Variants in PFKP observed in about 807,000 individuals in gnomAD.
PFKP encodes the protein ATP-dependent 6-phosphofructokinase, platelet type.
A neutral mutation model predicts 94.3 loss-of-function variants in PFKP; 101 were observed. The observed-to-expected ratio is 1.07, with a 90% confidence interval of 0.91 to 1.26. PFKP has a LOEUF of 1.26. PFKP is among the 50% of genes most tolerant of loss of function. The pLI is 0.00. For missense variants in PFKP, 1,145 were observed against 1,103.3 expected, an observed-to-expected ratio of 1.04 and a Z score of -0.53; for synonymous variants, 573 against 432.6, an observed-to-expected ratio of 1.32 and a Z score of -4.03.
chr10:3,074,894 G>T (rs572447568), intron 1 of PFKP, among the ~76,000 whole-genome samples: 1 of 152,296 alleles, frequency 6.6e-6, no homozygotes, highest in South Asian at 2.1e-4. Flanking sequence ...CACAAATAGA[G>T]GTGTGAAGTG....
intron 18 of PFKP, among the ~76,000 whole-genome samples, chr10:3,132,999 A>G (rs762450419): frequency 6.6e-6 from 1 of 152,240 alleles, no homozygotes; most frequent in Non-Finnish European, 1.5e-5. Flanking sequence ...TTTCCATTTA[A>G]TATTTGTGGG....
rs1160508457 is a variant in PFKP, at chr10:3,104,819, G to T, written c.621-296G>T. 1.2e-4 allele frequency: 59 copies of T among 496,684 alleles called. 1 individual carries two copies. In the East Asian group the frequency reaches 1.7e-3, roughly 14 times the overall value. The allele number at this position is 496,684 out of a possible 1,614,324, so 30.8% of individuals were successfully genotyped here. The stretch of plus-strand genomic sequence containing the variant: ...TGGGAAAGAGCCCAGCACGGGGCCG[G>T]GGAGTGTGAGTGTGTCCTGGCACAG... On this transcript the variant is annotated intron_variant, in intron 5 of 21. Transcript: ENST00000381125.
rs1839234216 is a variant in PFKP at position 3,135,939 on chromosome 10, A to AG, written c.2225+103dup. The AG allele has an allele frequency of 4.1e-6, 3 of 734,224 alleles. No individual in the cohort carries two copies. The South Asian group carries it at 4.9e-5, about 12-fold the overall frequency. 45.5% of individuals were successfully genotyped at this position (734,224 alleles called of 1,614,324 possible). A position where few individuals can be genotyped will look rare whatever the true frequency, so the allele number is the denominator to read the frequency against. ...TGTCGGCAACTCATTCAGGGGTTTGAGGAACTGGCTTTTCTGAAGCTCAGT... is the reference window on the plus strand; with the variant it reads ...TGTCGGCAACTCATTCAGGGGTTTGAGGGAACTGGCTTTTCTGAAGCTCAGT... On this transcript the variant is annotated intron_variant, in intron 21 of 21. Coordinates refer to ENST00000381125, the MANE Select transcript of PFKP (RefSeq NM_002627.5).
At chr10:3,116,289 C>T (rs947594160) in intron 13 of PFKP, among the ~76,000 whole-genome samples, 4 of 152,182 alleles carry the variant, frequency 2.6e-5, no homozygotes, top group Non-Finnish European at 4.4e-5. Flanking sequence ...CCGGAAGCTG[C>T]GGAGCTGGGG....
At chr10:3,115,869 C>T (rs1053404687) in intron 13 of PFKP, among the ~76,000 whole-genome samples, 1 of 152,174 alleles carries the variant, frequency 6.6e-6, no homozygotes, top group East Asian at 1.9e-4. Context: ...GGTGGAGATG[C>T]CCTGTGGCAT....
intron 16 of PFKP, 186 bp from the exon 17 acceptor site, chr10:3,129,633 A>C: frequency 3.2e-6 from 2 of 627,798 alleles, no homozygotes; most frequent in Non-Finnish European, 5.5e-6. Flanking sequence ...GTTGCGGGGG[A>C]CCACGTTCAC....
At chr10:3,126,494 G>A (rs1439002502) in intron 16 of PFKP, among the ~76,000 whole-genome samples, 3 of 152,188 alleles carry the variant, frequency 2.0e-5, no homozygotes, top group South Asian at 2.1e-4. Context: ...CACACGCGAC[G>A]CAGCCCTACC....
In PFKP at chr10:3,101,002, T is replaced by A. The variant is rs766870299; in HGVS notation, c.265-363T>A. 43 of 1,610,760 alleles carry A rather than the reference T, an allele frequency of 2.7e-5. No homozygotes were observed. The highest frequency in any genetic ancestry group is 3.3e-4 in the Middle Eastern group (2 of 6,044). ...TGTCCTGGCCGGCATGCTCTGGTGG[T>A]CAGTGGGCTTGTCTTTGGTTCCACG... On this transcript the variant is annotated intron_variant, in intron 3 of 21. Transcript: ENST00000381125.
chr10:3,082,520 T>G (rs1833165157), intron 2 of PFKP, 59 bp downstream of exon 2: 1 of 1,248,898 alleles, frequency 8.0e-7, no homozygotes, highest in Non-Finnish European at 1.1e-6. Flanking sequence ...AGCCCTGCAG[T>G]CACCGGCGCT....
In PFKP at chr10:3,105,516, G is replaced by T. The variant is rs376072035; in HGVS notation, c.774+15G>T. On this transcript the variant is annotated intron_variant, in intron 7 of 21. Coordinates refer to ENST00000381125, the MANE Select transcript of PFKP (RefSeq NM_002627.5). ...AACTCTCGGAGGTAATGCGGGTCCC[G>T]TGGCCGTTGATAGCGGGCGATGCTG... 6.4e-7 allele frequency: 1 copy of T among 1,556,224 alleles called. No individual in the cohort carries two copies. The highest frequency in any genetic ancestry group is 8.9e-7 in the Non-Finnish European group (1 of 1,127,368).
intron 16 of PFKP, among the ~76,000 whole-genome samples, chr10:3,123,330 T>C (rs923319746): frequency 3.9e-5 from 6 of 152,234 alleles, no homozygotes; most frequent in Non-Finnish European, 7.3e-5. Flanking sequence ...TCGTGACTGA[T>C]TCACAGCCTG....
At chr10:3,135,611 T>TGGGC (rs1274640560) in intron 20 of PFKP, 125 bp from the exon 21 acceptor site, 2 of 629,400 alleles carry the variant, frequency 3.2e-6, no homozygotes, top group African/African-American at 3.7e-5. Context: ...TCAGTCTCAC[T>TGGGC]GGGCTTCCAG....
Position 3,135,542 on chromosome 10 carries a change from C to T in PFKP, c.2123-194C>T, listed in dbSNP as rs183916145. Among the ~76,000 whole-genome samples, 4 of 152,338 alleles carry T rather than the reference C, an allele frequency of 2.6e-5. No homozygotes were observed. In the East Asian group the frequency reaches 7.7e-4, roughly 29 times the overall value. On this transcript the variant is annotated intron_variant, in intron 20 of 21. Transcript: ENST00000381125. ...GCTGCTTTCCAGGAAGCCCTCGGGG[C>T]AGTCCCACAGGAGCAGAGCTGCACG...
intron 14 of PFKP, among the ~76,000 whole-genome samples, chr10:3,117,718 G>C (rs1836976409): frequency 6.6e-6 from 1 of 152,180 alleles, no homozygotes; most frequent in Non-Finnish European, 1.5e-5. Context: ...GCATCCCTCG[G>C]TGTGCGTTCT....
Position 3,130,995 on chromosome 10 carries a change from C to T in PFKP, c.1848+1012C>T, listed in dbSNP as rs148287134. On this transcript the variant is annotated intron_variant, in intron 17 of 21. Transcript: ENST00000381125. The stretch of plus-strand genomic sequence containing the variant: ...CAAATATTTGTGGAGTCATTCACTG[C>T]ATCATGATGTTTCTGTCAACAGTGG... Among the ~76,000 whole-genome samples the T allele has an allele frequency of 9.9e-4, 151 of 152,318 alleles. 1 individual carries two copies. The highest frequency in any genetic ancestry group is 3.4e-3 in the African/African-American group (141 of 41,558).
rs1836470161 is a variant in PFKP at position 3,113,491 on chromosome 10, T to TG, written c.1346dup (p.Phe450LeufsTer2). 6.2e-7 allele frequency: 1 copy of TG among 1,613,326 alleles called. No individual in the cohort carries two copies. The highest frequency in any genetic ancestry group is 8.5e-7 in the Non-Finnish European group (1 of 1,179,962). Reference sequence around the variant, plus strand: ...GCCACAGGATGCTCGCCATCTATGATGGCTTTGACGGCTTCGCCAAGGGCC... The same window carrying TG: ...GCCACAGGATGCTCGCCATCTATGATGGGCTTTGACGGCTTCGCCAAGGGCC... On this transcript the variant is annotated frameshift_variant, in exon 13 of 22. Coordinates refer to ENST00000381125, the MANE Select transcript of PFKP (RefSeq NM_002627.5). LOFTEE classifies it high-confidence loss of function.
intron 13 of PFKP, among the ~76,000 whole-genome samples, chr10:3,115,197 G>A (rs1361034723): frequency 2.6e-5 from 4 of 152,114 alleles, no homozygotes; most frequent in Non-Finnish European, 4.4e-5. Context: ...GATGAGGAGC[G>A]GAGACTCATG....
chr10:3,130,852 C>T (rs1019190855), intron 17 of PFKP, among the ~76,000 whole-genome samples: 1 of 152,182 alleles, frequency 6.6e-6, no homozygotes, highest in South Asian at 2.1e-4. Context: ...CCACCGCGCC[C>T]AGCACCATTG....
At chr10:3,113,971 T>C (rs1402564341) in intron 13 of PFKP, among the ~76,000 whole-genome samples, 1 of 152,028 alleles carries the variant, frequency 6.6e-6, no homozygotes, top group African/African-American at 2.4e-5. Context: ...TTGACATGTG[T>C]TCACCCATTT....
Sources: allele counts gnomAD v4.1 joint callset (sites outside exome capture counted in the v4.1 genomes callset), GRCh38; gene constraint gnomAD v4.1.1; transcripts MANE v1.5; gene names NCBI Gene and HGNC (gene_info 2026-07-23, HGNC 2026-07-21).